Variants in F5 observed in about 807,000 individuals in gnomAD.
The protein encoded by F5 is activated protein c cofactor.
Under a neutral mutation model 216.4 loss-of-function variants are expected in F5, and 138 were observed. The ratio of observed to expected loss-of-function variants is 0.64; its 90% CI spans 0.56 to 0.73. The LOEUF (loss-of-function observed/expected upper bound fraction) is 0.73. Ranked by LOEUF, F5 falls within the 30% of genes least tolerant of loss-of-function variation. F5 has a pLI of 0.00. For synonymous variants in F5, 916 were observed against 930.7 expected, an observed-to-expected ratio of 0.98 and a Z score of 0.29; for missense variants, 2,403 against 2,674.0, an observed-to-expected ratio of 0.90 and a Z score of 2.24.
At chr1:169,519,869 T>C (rs1659252924) in intron 22 of F5, among the ~76,000 whole-genome samples, 1 of 152,228 alleles carries the variant, frequency 6.6e-6, no homozygotes, top group Non-Finnish European at 1.5e-5. Flanking sequence ...AAAGCACTGC[T>C]TTAAGAGTCC....
chr1:169,542,527 C>T lies in F5; in HGVS notation c.2563G>A (p.Gly855Arg), dbSNP rs769474503. The change falls in exon 13 of 25, where the codon GGA becomes AGA. Residue 855 changes from glycine to arginine, a missense_variant. Gly to Arg is a moderately radical substitution (Grantham distance 125). This residue lies in a region of F5 where 1,425 missense variants were observed against 1,554.8 expected (regional missense o/e 0.92). Coordinates refer to ENST00000367797, the MANE Select transcript of F5 (RefSeq NM_000130.5). ...GCATGTTCTTGACTTTTGAATTCTC[C>T]AGCACCAAGTGAAAGTAGACGTATC... ...TGIRLLSLGAGEFKSQEHAKH... is the reference protein window; with the variant it reads ...TGIRLLSLGAREFKSQEHAKH... 6.7e-5 allele frequency: 108 copies of T among 1,613,932 alleles called. No individual in the cohort carries two copies. The highest frequency in any genetic ancestry group is 9.0e-5 in the Non-Finnish European group (106 of 1,179,948).
At chr1:169,565,597 G>T (rs1353926591) in intron 3 of F5, among the ~76,000 whole-genome samples, 1 of 152,096 alleles carries the variant, frequency 6.6e-6, no homozygotes, top group African/African-American at 2.4e-5. Flanking sequence ...AATTATATAA[G>T]AATTTGGATT....
At chr1:169,548,782 T>C (rs1335221072) in intron 10 of F5, among the ~76,000 whole-genome samples, 2 of 150,428 alleles carry the variant, frequency 1.3e-5, no homozygotes, top group East Asian at 3.9e-4. Context: ...GGCAGGAGAA[T>C]CACTTGAACC....
At chr1:169,545,556 T>TTTCTATTG (rs1433069973) in intron 11 of F5, among the ~76,000 whole-genome samples, 11 of 152,352 alleles carry the variant, frequency 7.2e-5, no homozygotes, top group Non-Finnish European at 1.6e-4. Flanking sequence ...TCATACGTAG[T>TTTCTATTG]TTCTATTGGA....
intron 14 of F5, among the ~76,000 whole-genome samples, chr1:169,532,800 G>T (rs1382720121): frequency 6.6e-6 from 1 of 152,074 alleles, no homozygotes; most frequent in Non-Finnish European, 1.5e-5. Context: ...TAGCCATTGT[G>T]CCCAAAGCAA....
intron 10 of F5, among the ~76,000 whole-genome samples, chr1:169,547,963 G>A (rs1056427182): frequency 1.4e-4 from 21 of 152,076 alleles, no homozygotes; most frequent in Non-Finnish European, 2.6e-4. Context: ...ATGACAGACT[G>A]GATGAAGAAA....
Position 169,559,266 on chromosome 1 carries a change from G to C in F5, c.617C>G (p.Thr206Arg). Residue 206 changes from threonine to arginine, a missense_variant, in exon 5 of 25, where the codon ACG (threonine) becomes AGG (arginine). Around this residue, in one of 4 missense-constraint regions of F5, gnomAD observed 1,425 missense variants for 1,554.8 expected, o/e 0.92. Transcript: ENST00000367797. The stretch of plus-strand genomic sequence containing the variant: ...TAGTAGCACGATTTGCTTGTCAAAC[G>C]TCTTCTGTGTCCCACCCTCAGTTAG... ...GTLTEGGTQK[T>R]FDKQIVLLFA... 1 of 1,613,686 alleles carries C rather than the reference G, an allele frequency of 6.2e-7. No homozygotes were observed. The highest frequency in any genetic ancestry group is 2.2e-5 in the East Asian group (1 of 44,860).
intron 23 of F5, 95 bp downstream of exon 23, chr1:169,518,317 A>G (rs1327227329): frequency 6.9e-7 from 1 of 1,445,904 alleles, no homozygotes; most frequent in Admixed American, 1.7e-5. Flanking sequence ...AGATTAAAAT[A>G]CTCCTGCTTC....
In F5 at chr1:169,541,861, A is replaced by G. The variant is rs1659860892; in HGVS notation, c.3229T>C (p.Ser1077Pro). The change falls in exon 13 of 25, where the codon TCT becomes CCT. Residue 1077 changes from serine (S) to proline (P), a missense_variant. This residue lies in a region of F5 where 1,425 missense variants were observed against 1,554.8 expected (regional missense o/e 0.92). Coordinates refer to ENST00000367797, the MANE Select transcript of F5 (RefSeq NM_000130.5). The part of the protein sequence containing the change: ...SLVLHKSNET[S>P]LPTDLNQTLP... ...GTCTGATTGAGGTCTGTGGGAAGAGATGTTTCATTGGATTTATGAAGCACC... is the reference window on the plus strand; with the variant it reads ...GTCTGATTGAGGTCTGTGGGAAGAGGTGTTTCATTGGATTTATGAAGCACC... The G allele has an allele frequency of 1.2e-6, 2 of 1,614,096 alleles. No individual in the cohort carries two copies. The highest frequency in any genetic ancestry group is 2.7e-5 in the African/African-American group (2 of 75,026).
rs377462246 is a variant in F5, at chr1:169,557,590, C to T, written c.731-723G>A. Among the ~76,000 whole-genome samples the T allele has an allele frequency of 3.3e-5, 5 of 152,132 alleles. No homozygotes were observed. In the East Asian group the frequency reaches 9.6e-4, roughly 29 times the overall value. On this transcript the variant is annotated intron_variant, in intron 5 of 24. Coordinates refer to ENST00000367797, the MANE Select transcript of F5 (RefSeq NM_000130.5). ...CTGAATATAAAAACTTAGTTTTGCTCCTTCTTTGCTCCTACAGTCACTGGG... is the reference window on the plus strand; with the variant it reads ...CTGAATATAAAAACTTAGTTTTGCTTCTTCTTTGCTCCTACAGTCACTGGG...
At position 169,514,247 on chromosome 1, in the gene F5, C is replaced by A; in HGVS notation, c.*66G>T. 2.0e-6 allele frequency: 3 copies of A among 1,479,060 alleles called. No homozygotes were observed. In the South Asian group the frequency reaches 3.4e-5, roughly 17 times the overall value. The allele number at this position is 1,479,060 out of a possible 1,614,324, so 91.6% of individuals were successfully genotyped here. Reference sequence around the variant, plus strand: ...TTAACATTTAACACAGCGTAAAATACATTGCCCATTCTAAATGGTTTGAGG... The same window carrying A: ...TTAACATTTAACACAGCGTAAAATAAATTGCCCATTCTAAATGGTTTGAGG... On this transcript the variant is annotated 3_prime_UTR_variant, in exon 25 of 25. Coordinates refer to ENST00000367797, the MANE Select transcript of F5 (RefSeq NM_000130.5).
At chr1:169,532,953 T>A (rs1659623547) in intron 14 of F5, among the ~76,000 whole-genome samples, 1 of 151,856 alleles carries the variant, frequency 6.6e-6, no homozygotes, top group African/African-American at 2.4e-5. Context: ...AATCTGGAGG[T>A]ATCACAGTAC....
intron 3 of F5, among the ~76,000 whole-genome samples, chr1:169,563,475 C>T (rs999306940): frequency 1.3e-5 from 2 of 152,056 alleles, no homozygotes; most frequent in African/African-American, 4.8e-5. Context: ...TATGGTCCCA[C>T]AGTTCACTGA....
chr1:169,521,514 G>T (rs780983636), intron 21 of F5, among the ~76,000 whole-genome samples: 64 of 151,224 alleles, frequency 4.2e-4, no homozygotes, highest in Non-Finnish European at 5.9e-5. Flanking sequence ...GTCAGAAAAA[G>T]CCAACTTTTT....
Position 169,523,245 on chromosome 1 carries a change from G to A in F5, c.6000C>T (p.Asn2000=), listed in dbSNP as rs757342445. The A allele has an allele frequency of 6.2e-7, 1 of 1,613,956 alleles. No homozygotes were observed. The highest frequency in any genetic ancestry group is 8.5e-7 in the Non-Finnish European group (1 of 1,179,986). Residue 2000 remains asparagine, a synonymous_variant, in exon 21 of 25, where the codon AAC becomes AAT. Transcript: ENST00000367797. ...TTEFYVAYSS[N]QINWQIFKGN... is the part of the protein sequence containing the mutation. ...CTTTGAAGATCTGCCAGTTGATCTGGTTGGAACTGTAAGCTACATAGAACT... is the reference window on the plus strand; with the variant it reads ...CTTTGAAGATCTGCCAGTTGATCTGATTGGAACTGTAAGCTACATAGAACT...
chr1:169,524,995 T>C, intron 18 of F5, 87 bp from the exon 19 acceptor site: 1 of 1,053,890 alleles, frequency 9.5e-7, no homozygotes, highest in Non-Finnish European at 1.4e-6. Flanking sequence ...ATTATGTTTC[T>C]GACTCAATAA....
At position 169,541,249 on chromosome 1, in the gene F5, T is replaced by C. The variant is rs1329553436; in HGVS notation, c.3841A>G (p.Ser1281Gly). 4 of 1,539,848 alleles carry C rather than the reference T, an allele frequency of 2.6e-6. No homozygotes were observed. The highest frequency in any genetic ancestry group is 3.5e-6 in the Non-Finnish European group (4 of 1,132,614). The change falls in exon 13 of 25, where the codon AGC becomes GGC. Residue 1281 changes from serine (S) to glycine (G), a missense_variant. Ser to Gly is a moderately conservative substitution (Grantham distance 56, BLOSUM62 0). Coordinates refer to ENST00000367797, the MANE Select transcript of F5 (RefSeq NM_000130.5). ...LGQMPLSPDLSHTTLSLDFSQ... is the reference protein window; with the variant it reads ...LGQMPLSPDLGHTTLSLDFSQ... ...AAGTCTAGAGAAAGGGTTGTATGGC[T>C]GAGGTCTGGAGAAAGGGGCATCTGA...
intron 17 of F5, 142 bp downstream of exon 17, chr1:169,527,773 G>A (rs932776662): frequency 9.8e-7 from 1 of 1,018,774 alleles, no homozygotes; most frequent in Non-Finnish European, 1.5e-6. Flanking sequence ...TTGGGTCTAT[G>A]GGTTTGCCTA....
chr1:169,550,567 G>A, intron 9 of F5, 73 bp downstream of exon 9: 1 of 1,144,632 alleles, frequency 8.7e-7, no homozygotes, highest in Non-Finnish European at 1.3e-6. Flanking sequence ...CACCGGGCAA[G>A]GAGAATAGCA....
Sources: gnomAD v4.1 joint callset for allele counts (sites outside exome capture counted in the v4.1 genomes callset) on GRCh38, gnomAD v4.1.1 for gene constraint, gnomAD v4.1.1 regional missense constraint, MANE v1.5 for transcripts, NCBI Gene and HGNC (gene_info 2026-07-23, HGNC 2026-07-21) for gene names.